The following CACNA1E variants were observed in gnomAD, a reference collection of about 807,000 sequenced individuals.
The protein encoded by CACNA1E is voltage-dependent R-type calcium channel subunit alpha-1E.
In CACNA1E, 40 loss-of-function variants were observed where a neutral mutation model predicts 259.2. The ratio of observed to expected loss-of-function variants is 0.15; its 90% CI spans 0.12 to 0.20. The LOEUF (loss-of-function observed/expected upper bound fraction) is 0.20, where lower values mean the gene tolerates loss of function less well. Among genes scored for constraint, CACNA1E ranks in the 10% least tolerant of loss-of-function variants. The pLI is 1.00. For missense variants in CACNA1E, 1,874 were observed against 3,040.1 expected (o/e 0.62, Z 9.02); for synonymous variants, 1,104 against 1,138.5 (o/e 0.97, Z 0.61).
intron 18 of CACNA1E, among the ~76,000 whole-genome samples, chr1:181,728,699 A>G (rs1655152496): frequency 6.7e-6 from 1 of 149,612 alleles, no homozygotes; most frequent in Admixed American, 6.6e-5. Flanking sequence ...TGTGCCCTAC[A>G]CAGGTGTGTG....
chr1:181,784,146 G>C (rs1007657966), intron 40 of CACNA1E, among the ~76,000 whole-genome samples: 2 of 152,170 alleles, frequency 1.3e-5, no homozygotes, highest in Non-Finnish European at 2.9e-5. Flanking sequence ...TGCTGTCATA[G>C]AGGCCATGGT....
chr1:181,641,687 G>A (rs1657759224), intron 6 of CACNA1E, among the ~76,000 whole-genome samples: 1 of 147,240 alleles, frequency 6.8e-6, no homozygotes, highest in South Asian at 2.1e-4. Flanking sequence ...AGATCATGAG[G>A]CAACACTAAT....
chr1:181,333,324 C>G (rs1651428227), intron 1 of CACNA1E, among the ~76,000 whole-genome samples: 1 of 152,196 alleles, frequency 6.6e-6, no homozygotes, highest in Non-Finnish European at 1.5e-5. Flanking sequence ...TGCCCATCTT[C>G]TGGGGTCTCA....
intron 3 of CACNA1E, among the ~76,000 whole-genome samples, chr1:181,552,897 T>C (rs1347803054): frequency 6.6e-6 from 1 of 152,244 alleles, no homozygotes; most frequent in African/African-American, 2.4e-5. Flanking sequence ...TTTCGGTTAC[T>C]GTAGCCTTGT....
intron 6 of CACNA1E, among the ~76,000 whole-genome samples, chr1:181,585,217 A>G (rs1651942475): frequency 6.6e-6 from 1 of 152,182 alleles, no homozygotes; most frequent in Non-Finnish European, 1.5e-5. Context: ...GTATGTGCTT[A>G]GTGAGGAGCT....
At chr1:181,667,665 G>C (rs1169962807) in intron 7 of CACNA1E, among the ~76,000 whole-genome samples, 1 of 152,044 alleles carries the variant, frequency 6.6e-6, no homozygotes, top group Non-Finnish European at 1.5e-5. Context: ...CACCATTTAA[G>C]AGAATATTAA....
intron 16 of CACNA1E, among the ~76,000 whole-genome samples, chr1:181,722,693 G>A (rs1002605394): frequency 6.6e-6 from 1 of 152,300 alleles, no homozygotes; most frequent in South Asian, 2.1e-4. Context: ...CTATACAACT[G>A]TTAGATGCTT....
intron 25 of CACNA1E, among the ~76,000 whole-genome samples, chr1:181,740,279 T>C (rs1656440201): frequency 6.6e-6 from 1 of 152,198 alleles, no homozygotes; most frequent in South Asian, 2.1e-4. Flanking sequence ...AGGAACACAG[T>C]ATCTTCATAC....
At chr1:181,441,702 G>A (rs570190580) in intron 2 of CACNA1E, among the ~76,000 whole-genome samples, 2 of 152,168 alleles carry the variant, frequency 1.3e-5, no homozygotes, top group Non-Finnish European at 2.9e-5. Flanking sequence ...TTTATCAAGC[G>A]CCGCCTCTGC....
At chr1:181,470,243 T>C (rs1456751931) in intron 2 of CACNA1E, among the ~76,000 whole-genome samples, 2 of 151,980 alleles carry the variant, frequency 1.3e-5, no homozygotes, top group African/African-American at 2.4e-5. Flanking sequence ...GGTTGGAGTG[T>C]AGTGCTGTGA....
At chr1:181,475,949 G>C (rs990753743) in intron 2 of CACNA1E, among the ~76,000 whole-genome samples, 19 of 152,264 alleles carry the variant, frequency 1.2e-4, no homozygotes, top group African/African-American at 4.3e-4. Context: ...CTTGAAGGGA[G>C]AGAAGTCAGA....
At chr1:181,330,759 G>T (rs1181552867) in intron 1 of CACNA1E, among the ~76,000 whole-genome samples, 1 of 152,180 alleles carries the variant, frequency 6.6e-6, no homozygotes, top group Admixed American at 6.5e-5. Context: ...ATTTCAGACT[G>T]GGTCCTAGCT....
At chr1:181,432,370 A>G (rs919456002) in intron 2 of CACNA1E, among the ~76,000 whole-genome samples, 3 of 152,196 alleles carry the variant, frequency 2.0e-5, no homozygotes, top group African/African-American at 7.2e-5. Context: ...TGTTAATAAA[A>G]AAATTTTTTA....
intron 2 of CACNA1E, among the ~76,000 whole-genome samples, chr1:181,455,723 T>C (rs1358904722): frequency 6.6e-6 from 1 of 152,196 alleles, no homozygotes; most frequent in Non-Finnish European, 1.5e-5. Context: ...AGTTCTGACT[T>C]CTTTTTTTTC....
chr1:181,755,278 C>T lies in CACNA1E; in HGVS notation c.3870C>T (p.Phe1290=), dbSNP rs867024388. 3 of 1,613,828 alleles carry T rather than the reference C, an allele frequency of 1.9e-6. No individual in the cohort carries two copies. The Middle Eastern group carries it at 5.0e-4, about 266-fold the overall frequency. ...TAGTGACCTCCTTGAAGAATGTCTTCAACATACTCATTGTGTACAAGCTCT... is the reference window on the plus strand; with the variant it reads ...TAGTGACCTCCTTGAAGAATGTCTTTAACATACTCATTGTGTACAAGCTCT... The part of the protein sequence containing the change: ...DCVVTSLKNV[F]NILIVYKLFM... The change falls in exon 28 of 48, where the codon TTC becomes TTT. Residue 1290 remains phenylalanine (F), a synonymous_variant. Coordinates refer to ENST00000367573, the MANE Select transcript of CACNA1E (RefSeq NM_001205293.3).
chr1:181,381,090 C>T (rs1306547096), intron 1 of CACNA1E, among the ~76,000 whole-genome samples: 2 of 151,738 alleles, frequency 1.3e-5, no homozygotes, highest in East Asian at 3.9e-4. Flanking sequence ...CGCTTGAACC[C>T]AGGAGGTGGA....
intron 1 of CACNA1E, among the ~76,000 whole-genome samples, chr1:181,505,256 T>A (rs1665606945): frequency 6.6e-6 from 1 of 152,208 alleles, no homozygotes; most frequent in Non-Finnish European, 1.5e-5. Context: ...ATTTGAACAC[T>A]CAGAAAATGG....
At chr1:181,774,493 G>A (rs1245633333) in intron 37 of CACNA1E, among the ~76,000 whole-genome samples, 1 of 152,230 alleles carries the variant, frequency 6.6e-6, no homozygotes, top group Non-Finnish European at 1.5e-5. Flanking sequence ...GAAGTCTGGA[G>A]GAAGGCAGGC....
intron 37 of CACNA1E, among the ~76,000 whole-genome samples, chr1:181,773,655 C>T (rs1027388050): frequency 1.4e-4 from 22 of 152,188 alleles, no homozygotes; most frequent in Admixed American, 3.3e-4. Flanking sequence ...AAGGCCCATC[C>T]CTCAGTCACC....
Sources: gnomAD v4.1 joint callset for allele counts (sites outside exome capture counted in the v4.1 genomes callset) on GRCh38, gnomAD v4.1.1 for gene constraint, MANE v1.5 for transcripts, NCBI Gene and HGNC (gene_info 2026-07-23, HGNC 2026-07-21) for gene names.